Variants in ABLIM1 observed in about 807,000 individuals in gnomAD.
ABLIM1 encodes the protein actin binding LIM protein 1.
In ABLIM1, 40 loss-of-function variants were observed where a neutral mutation model predicts 107.0. The observed-to-expected ratio is 0.37, with a 90% CI of 0.29 to 0.49. The LOEUF is 0.49. Among genes scored for constraint, ABLIM1 ranks in the 20% least tolerant of loss-of-function variants. ABLIM1 has a pLI of 0.97. For synonymous variants in ABLIM1, 357 were observed against 357.3 expected, an observed-to-expected ratio of 1.00 and a Z score of 0.01; for missense variants, 857 against 1,008.5, an observed-to-expected ratio of 0.85 and a Z score of 2.04.
intron 2 of ABLIM1, among the ~76,000 whole-genome samples, chr10:114,586,061 T>C (rs2074155914): frequency 6.6e-6 from 1 of 152,202 alleles, no homozygotes; most frequent in Non-Finnish European, 1.5e-5. Context: ...TCCTCTGGCA[T>C]AGCATCAGGT....
At chr10:114,786,842 C>CT in the ABLIM1 span, among the ~76,000 whole-genome samples, 2 of 152,272 alleles carry the variant, frequency 1.3e-5, no homozygotes, top group South Asian at 2.1e-4. Flanking sequence ...TCTCGGCTCG[C>CT]TACAACATCC....
intron 12 of ABLIM1, among the ~76,000 whole-genome samples, chr10:114,457,166 C>T (rs2062983713): frequency 6.6e-6 from 1 of 152,122 alleles, no homozygotes; most frequent in Admixed American, 6.5e-5. Flanking sequence ...CCTTGAAATA[C>T]CAAAGGCATG....
At chr10:114,640,797 A>G (rs2078708755) in intron 1 of ABLIM1, among the ~76,000 whole-genome samples, 1 of 152,194 alleles carries the variant, frequency 6.6e-6, no homozygotes, top group Non-Finnish European at 1.5e-5. Context: ...CATTAAATAG[A>G]AAATAAGAAC....
chr10:114,775,609 G>A, the ABLIM1 span, among the ~76,000 whole-genome samples: 3 of 152,284 alleles, frequency 2.0e-5, no homozygotes, highest in East Asian at 5.8e-4. Context: ...CGTTTTACAA[G>A]CCTTCTCAGT....
chr10:114,647,572 G>A (rs1156563434), intron 1 of ABLIM1, among the ~76,000 whole-genome samples: 1 of 152,188 alleles, frequency 6.6e-6, no homozygotes, highest in Non-Finnish European at 1.5e-5. Context: ...TGGACAGAAA[G>A]GGAGCTGGCT....
chr10:114,717,020 T>A (rs928186841), intron 1 of ABLIM1, among the ~76,000 whole-genome samples: 1 of 150,700 alleles, frequency 6.6e-6, no homozygotes, highest in Non-Finnish European at 1.5e-5. Context: ...ATCCCACTGA[T>A]GCCAAAGCAT....
the ABLIM1 span, among the ~76,000 whole-genome samples, chr10:114,800,102 A>C: frequency 6.6e-6 from 1 of 152,162 alleles, no homozygotes; most frequent in African/African-American, 2.4e-5. Context: ...ATGTAAAAAA[A>C]ATTGAGTGTG....
chr10:114,490,211 T>A (rs993367828), intron 7 of ABLIM1, among the ~76,000 whole-genome samples: 1 of 152,204 alleles, frequency 6.6e-6, no homozygotes, highest in South Asian at 2.1e-4. Flanking sequence ...GTCATATAAA[T>A]CCCGCATGAG....
rs1418735327 is a variant in ABLIM1 at position 114,649,452 on chromosome 10, TAAAG to T, written c.244+8501_244+8504del. ...ATAAATAAATAAATAAATAAATAAA[TAAAG>T]GTGTTGATATCAAAGGTTTATTTCT... is the stretch of plus-strand genomic sequence containing the variant. On this transcript the variant is annotated intron_variant, in intron 1 of 22. Coordinates refer to ENST00000533213, the MANE Select transcript of ABLIM1 (RefSeq NM_002313.7). Among the ~76,000 whole-genome samples, 4 of 146,982 alleles carry T rather than the reference TAAAG, an allele frequency of 2.7e-5. No homozygotes were observed. The East Asian group carries it at 5.9e-4, about 22-fold the overall frequency.
intron 1 of ABLIM1, among the ~76,000 whole-genome samples, chr10:114,757,686 C>A (rs746344320): frequency 6.6e-6 from 1 of 152,212 alleles, no homozygotes; most frequent in African/African-American, 2.4e-5. Flanking sequence ...TTGACCATTA[C>A]GGTAGCCTCC....
intron 8 of ABLIM1, among the ~76,000 whole-genome samples, chr10:114,476,125 T>C (rs1037782570): frequency 6.6e-6 from 1 of 152,170 alleles, no homozygotes; most frequent in Admixed American, 6.5e-5. Context: ...TTTCAGCCAA[T>C]GCCCCTGGTA....
intron 6 of ABLIM1, among the ~76,000 whole-genome samples, chr10:114,515,894 C>T (rs771774025): frequency 2.8e-4 from 43 of 152,176 alleles, no homozygotes; most frequent in South Asian, 2.1e-4. Context: ...CTTCCTCTAC[C>T]GGCTCAGAGA....
chr10:114,757,798 T>C (rs773982665), intron 1 of ABLIM1, among the ~76,000 whole-genome samples: 27 of 152,180 alleles, frequency 1.8e-4, no homozygotes, highest in Non-Finnish European at 2.9e-4. Flanking sequence ...CTCAGAACTT[T>C]CACCTAACTC....
intron 6 of ABLIM1, among the ~76,000 whole-genome samples, chr10:114,539,157 G>A (rs35078486): frequency 0.24 from 36,571 of 152,136 alleles, 4,711 homozygotes; most frequent in East Asian, 0.34. Flanking sequence ...CAGGAGTTCA[G>A]GACCAGCCTG....
At chr10:114,610,685 T>C (rs2076746494) in intron 1 of ABLIM1, 1 of 152,224 alleles carries the variant, frequency 6.6e-6, no homozygotes, top group Non-Finnish European at 1.5e-5. Context: ...ACATACACAG[T>C]TACCCAGTCA....
chr10:114,748,295 A>G (rs2082427382), intron 1 of ABLIM1, among the ~76,000 whole-genome samples: 1 of 152,228 alleles, frequency 6.6e-6, no homozygotes, highest in African/African-American at 2.4e-5. Context: ...CATAATGGTA[A>G]ACAGACATGA....
At chr10:114,787,708 G>A in the ABLIM1 span, among the ~76,000 whole-genome samples, 5 of 127,916 alleles carry the variant, frequency 3.9e-5, no homozygotes, top group South Asian at 2.7e-4. Flanking sequence ...AGGGAGGTGG[G>A]GGGGTCAGCC....
intron 6 of ABLIM1, among the ~76,000 whole-genome samples, chr10:114,509,731 T>G (rs763471509): frequency 6.6e-6 from 1 of 152,226 alleles, no homozygotes; most frequent in Non-Finnish European, 1.5e-5. Flanking sequence ...CCCTCATCCA[T>G]GCCTTGGCCA....
At chr10:114,616,920 G>A (rs767919364) in intron 1 of ABLIM1, among the ~76,000 whole-genome samples, 13 of 152,204 alleles carry the variant, frequency 8.5e-5, no homozygotes, top group African/African-American at 2.9e-4. Flanking sequence ...ATTTTCTGAT[G>A]AGGAAACTGA....
Sources: allele counts gnomAD v4.1 joint callset (sites outside exome capture counted in the v4.1 genomes callset), GRCh38; gene constraint gnomAD v4.1.1; transcripts MANE v1.5; gene names NCBI Gene and HGNC (gene_info 2026-07-23, HGNC 2026-07-21).